C8orf34: variants seen among roughly 807,000 people sequenced by gnomAD.
C8orf34 encodes chromosome 8 open reading frame 34.
A neutral mutation model predicts 68.3 loss-of-function variants in C8orf34; 65 were observed. The observed-to-expected ratio is 0.95, with a 90% CI of 0.78 to 1.17. The LOEUF is 1.17. Ranked by LOEUF, C8orf34 falls within the 50% of genes most tolerant of loss-of-function variation. The pLI is 0.00. For missense variants in C8orf34, 664 were observed against 655.4 expected, an observed-to-expected ratio of 1.01 and a Z score of -0.14; for synonymous variants, 244 against 241.2, an observed-to-expected ratio of 1.01 and a Z score of -0.11.
intron 12 of C8orf34, chr8:68,790,872 T>A: frequency 1.4e-6 from 1 of 701,736 alleles, no homozygotes; most frequent in East Asian, 2.7e-5. Flanking sequence ...TTTCATACTT[T>A]GGTAATATTT....
chr8:68,601,647 G>T (rs771807046), intron 7 of C8orf34, among the ~76,000 whole-genome samples: 2 of 151,968 alleles, frequency 1.3e-5, no homozygotes, highest in Non-Finnish European at 2.9e-5. Flanking sequence ...TTCAATTCTT[G>T]ATTTCTTATT....
intron 5 of C8orf34, among the ~76,000 whole-genome samples, chr8:68,508,228 C>T (rs959266381): frequency 1.9e-4 from 29 of 152,118 alleles, no homozygotes; most frequent in Admixed American, 1.4e-3. Context: ...ATAATATTTG[C>T]AATACTTCTC....
At chr8:68,760,651 T>C (rs1822999160) in intron 10 of C8orf34, among the ~76,000 whole-genome samples, 1 of 152,232 alleles carries the variant, frequency 6.6e-6, no homozygotes, top group African/African-American at 2.4e-5. Flanking sequence ...ATTTCATAAC[T>C]CACAGTAGGT....
At chr8:68,631,618 G>A (rs572677672) in intron 7 of C8orf34, among the ~76,000 whole-genome samples, 1 of 152,230 alleles carries the variant, frequency 6.6e-6, no homozygotes, top group East Asian at 1.9e-4. Context: ...TTGGCTCTGT[G>A]TCCCCACCCA....
intron 7 of C8orf34, among the ~76,000 whole-genome samples, chr8:68,587,090 T>A (rs747591619): frequency 6.6e-6 from 1 of 152,080 alleles, no homozygotes; most frequent in African/African-American, 2.4e-5. Flanking sequence ...GAAAGCTTAG[T>A]GATTAAAGGC....
At chr8:68,336,197 T>C (rs916647556) in intron 1 of C8orf34, among the ~76,000 whole-genome samples, 4 of 152,098 alleles carry the variant, frequency 2.6e-5, no homozygotes, top group African/African-American at 9.7e-5. Context: ...CCCTTTTTTT[T>C]TTCATAATTC....
intron 1 of C8orf34, among the ~76,000 whole-genome samples, chr8:68,353,973 AG>A (rs1438617400): frequency 6.6e-6 from 1 of 151,886 alleles, no homozygotes; most frequent in Non-Finnish European, 1.5e-5. Flanking sequence ...TCTGCATCTG[AG>A]GGACAACTGT....
At chr8:68,603,773 A>C (rs1302165827) in intron 7 of C8orf34, among the ~76,000 whole-genome samples, 1 of 152,120 alleles carries the variant, frequency 6.6e-6, no homozygotes, top group African/African-American at 2.4e-5. Flanking sequence ...CTTAGGGGAT[A>C]GAAAAGTTGT....
chr8:68,452,300 C>T (rs1811377413), intron 3 of C8orf34, among the ~76,000 whole-genome samples: 1 of 150,926 alleles, frequency 6.6e-6, no homozygotes, highest in Non-Finnish European at 1.5e-5. Context: ...TATGATAATT[C>T]TATGTGTAAC....
intron 8 of C8orf34, among the ~76,000 whole-genome samples, chr8:68,677,415 G>A (rs1820225671): frequency 1.3e-5 from 2 of 152,034 alleles, no homozygotes; most frequent in African/African-American, 2.4e-5. Flanking sequence ...GTGGAGTGCA[G>A]TGGTGTGATA....
At chr8:68,552,664 G>A (rs1024720015) in intron 7 of C8orf34, among the ~76,000 whole-genome samples, 1 of 152,070 alleles carries the variant, frequency 6.6e-6, no homozygotes, top group Non-Finnish European at 1.5e-5. Flanking sequence ...TTAGGGGGAA[G>A]CATTGAGTCT....
intron 10 of C8orf34, among the ~76,000 whole-genome samples, chr8:68,755,149 A>C (rs1012715049): frequency 6.6e-6 from 1 of 152,190 alleles, no homozygotes; most frequent in African/African-American, 2.4e-5. Context: ...AATATTTTGT[A>C]CTAAGCATGT....
At chr8:68,477,690 C>T (rs1812681425) in intron 4 of C8orf34, among the ~76,000 whole-genome samples, 1 of 152,188 alleles carries the variant, frequency 6.6e-6, no homozygotes, top group Non-Finnish European at 1.5e-5. Context: ...CATGAGGGCT[C>T]CACCCGTGTA....
chr8:68,744,998 C>T (rs901172891), intron 10 of C8orf34, among the ~76,000 whole-genome samples: 181 of 152,222 alleles, frequency 1.2e-3, no homozygotes, highest in African/African-American at 4.2e-3. Flanking sequence ...GGTCGGGTTA[C>T]CCTGAAAGGG....
Position 68,348,519 on chromosome 8 carries a change from T to A in C8orf34, c.327+17180T>A, listed in dbSNP as rs201248261. ...ATGAAGAACATTGTTGGCAGTTTGA[T>A]AGGAATAGCATTGAATCTATAAATT... On this transcript the variant is annotated intron_variant, in intron 1 of 13. Transcript: ENST00000518698. Among the ~76,000 whole-genome samples, 12 of 152,146 alleles carry A rather than the reference T, an allele frequency of 7.9e-5. No homozygotes were observed. The East Asian group carries it at 1.7e-3, about 22-fold the overall frequency.
At chr8:68,419,744 C>T (rs1177118810) in intron 1 of C8orf34, among the ~76,000 whole-genome samples, 7 of 147,702 alleles carry the variant, frequency 4.7e-5, no homozygotes, top group Admixed American at 2.1e-4. Flanking sequence ...AACCAAACAC[C>T]GCATATTCTC....
Position 68,468,957 on chromosome 8 carries a change from G to T in C8orf34, c.736+137G>T, listed in dbSNP as rs1161180893. 5 of 903,538 alleles carry T rather than the reference G, an allele frequency of 5.5e-6. No homozygotes were observed. The South Asian group carries it at 9.1e-5, about 17-fold the overall frequency. The allele number at this position is 903,538 out of a possible 1,614,324, so 56.0% of individuals were successfully genotyped here. A position where few individuals can be genotyped will look rare whatever the true frequency, so the allele number is the denominator to read the frequency against. On this transcript the variant is annotated intron_variant, in intron 4 of 13. Coordinates refer to ENST00000518698, the MANE Select transcript of C8orf34 (RefSeq NM_052958.4). The stretch of plus-strand genomic sequence containing the variant: ...AGGCTGAGTAGTTCTAAGGGCATGA[G>T]ATTGGAAAGGAACTTGATTTTGCAT...
chr8:68,594,192 T>A (rs1817476458), intron 7 of C8orf34, among the ~76,000 whole-genome samples: 1 of 151,942 alleles, frequency 6.6e-6, no homozygotes, highest in South Asian at 2.1e-4. Flanking sequence ...GGATCTTGGG[T>A]ATAGTAAAGG....
chr8:68,732,145 G>T (rs1821995627), intron 10 of C8orf34, among the ~76,000 whole-genome samples: 1 of 152,168 alleles, frequency 6.6e-6, no homozygotes, highest in South Asian at 2.1e-4. Flanking sequence ...TTTTCCTCAG[G>T]CTAAAGTCCT....
Sources: gnomAD v4.1 joint callset for allele counts (sites outside exome capture counted in the v4.1 genomes callset) on GRCh38, gnomAD v4.1.1 for gene constraint, MANE v1.5 for transcripts, NCBI Gene and HGNC (gene_info 2026-07-23, HGNC 2026-07-21) for gene names.